ABL1: variants seen among roughly 807,000 people sequenced by gnomAD.
ABL1 encodes the protein ABL proto-oncogene 1, non-receptor tyrosine kinase, also known as tyrosine-protein kinase ABL1.
ABL1 carries 11 observed loss-of-function variants against 94.7 expected under a neutral mutation model. That is an observed-to-expected ratio of 0.12 (90% confidence interval 0.07 to 0.19). The LOEUF is 0.19. Ranked by LOEUF, ABL1 falls within the 10% of genes least tolerant of loss-of-function variation. The pLI, the probability that ABL1 is intolerant of heterozygous loss-of-function variation, is 1.00. For synonymous variants in ABL1, 656 were observed against 622.4 expected (o/e 1.05, Z -0.80); for missense variants, 1,082 against 1,489.4 (o/e 0.73, Z 4.50).
chr9:130,805,478 T>A (rs1830113887), intron 1 of ABL1, among the ~76,000 whole-genome samples: 1 of 152,236 alleles, frequency 6.6e-6, no homozygotes, highest in South Asian at 2.1e-4. Flanking sequence ...CTTGACTGTT[T>A]ACTTGTACTA....
intron 1 of ABL1, among the ~76,000 whole-genome samples, chr9:130,812,646 G>A (rs1037457481): frequency 3.3e-5 from 5 of 152,148 alleles, no homozygotes; most frequent in Non-Finnish European, 4.4e-5. Flanking sequence ...AATTCTAAAT[G>A]TTTATGCATG....
chr9:130,748,352 T>C (rs144691787), intron 1 of ABL1, among the ~76,000 whole-genome samples: 1 of 152,338 alleles, frequency 6.6e-6, no homozygotes, highest in African/African-American at 2.4e-5. Context: ...AATTTCTTTA[T>C]AAAATTTGTT....
At chr9:130,742,119 G>A (rs1037643247) in intron 1 of ABL1, among the ~76,000 whole-genome samples, 5 of 152,160 alleles carry the variant, frequency 3.3e-5, no homozygotes, top group African/African-American at 7.2e-5. Context: ...ACCGAGTCAT[G>A]TATGTTCTCT....
chr9:130,781,626 G>A (rs1262468569), intron 1 of ABL1, among the ~76,000 whole-genome samples: 2 of 152,020 alleles, frequency 1.3e-5, no homozygotes, highest in Admixed American at 1.3e-4. Flanking sequence ...ACACCAAGGG[G>A]ATTATCCAAA....
chr9:130,751,560 C>T (rs1343397596), intron 1 of ABL1, among the ~76,000 whole-genome samples: 24 of 152,164 alleles, frequency 1.6e-4, no homozygotes, highest in Admixed American at 2.0e-4. Context: ...CCAGATGGAA[C>T]GGCCTCATAG....
chr9:130,830,526 C>T (rs1450840518), upstream of ABL1, among the ~76,000 whole-genome samples: 1 of 152,166 alleles, frequency 6.6e-6, no homozygotes, highest in South Asian at 2.1e-4. Context: ...GTGTTTCTTT[C>T]TCTTCATAAA....
At chr9:130,817,661 A>G (rs1830306906) in intron 1 of ABL1, among the ~76,000 whole-genome samples, 1 of 152,212 alleles carries the variant, frequency 6.6e-6, no homozygotes, top group Non-Finnish European at 1.5e-5. Context: ...TGCAGAAAGT[A>G]AAAAATGGCC....
intron 1 of ABL1, among the ~76,000 whole-genome samples, chr9:130,726,472 A>G (rs963592053): frequency 6.6e-6 from 1 of 152,090 alleles, no homozygotes; most frequent in African/African-American, 2.4e-5. Flanking sequence ...CATTCCTCAC[A>G]TTGGTAATTT....
Position 130,835,516 on chromosome 9 carries a change from T to A in ABL1, c.70T>A (p.Tyr24Asn). 1 of 1,556,852 alleles carries A rather than the reference T, an allele frequency of 6.4e-7. No individual in the cohort carries two copies. The highest frequency in any genetic ancestry group is 8.7e-7 in the Non-Finnish European group (1 of 1,149,500). ...KKGLSSSSSC[Y>N]LEEALQRPVA... ...GGGGCTGTCCTCGTCCTCCAGCTGT[T>A]ATCTGGAAGGTAAGCCCGGGCCGCA... Residue 24 changes from tyrosine (Y) to asparagine (N), a missense_variant, in exon 1 of 11, where the codon TAT becomes AAT. Physicochemically the swap from Tyr to Asn is moderately radical, Grantham distance 143 (BLOSUM62 -2). Transcript: ENST00000318560. The surrounding 1 kb of genome is among the most constrained non-coding windows in gnomAD (Gnocchi z 4.6).
At chr9:130,769,757 T>C (rs10901281) in intron 1 of ABL1, among the ~76,000 whole-genome samples, 57,002 of 151,970 alleles carry the variant, frequency 0.38, 10,979 homozygotes, top group Middle Eastern at 0.45. Context: ...GACAAATACA[T>C]ACACTTGTGA....
intron 1 of ABL1, among the ~76,000 whole-genome samples, chr9:130,804,563 A>G (rs1262511951): frequency 3.3e-5 from 5 of 152,180 alleles, no homozygotes; most frequent in African/African-American, 1.2e-4. Context: ...CAGCCTGGGC[A>G]ACAAGAGCCA....
In ABL1 at chr9:130,886,927, T is replaced by TG. The variant is rs1318822823; in HGVS notation, c.*1249dup. 4.3e-6 allele frequency: 1 copy of TG among 232,964 alleles called. No homozygotes were observed. The allele number at this position is 232,964 out of a possible 1,614,324, so 14.4% of individuals were successfully genotyped here. ...GTGAGTGACATAGCCTCATGTTCTG[T>TG]GGGGGTCATCAGGGAGGGTTAGGAA... On this transcript the variant is annotated 3_prime_UTR_variant, in exon 11 of 11. Coordinates refer to ENST00000318560, the MANE Select transcript of ABL1 (RefSeq NM_005157.6).
At chr9:130,731,952 T>G (rs1316381467) in intron 1 of ABL1, among the ~76,000 whole-genome samples, 1 of 152,066 alleles carries the variant, frequency 6.6e-6, no homozygotes, top group Non-Finnish European at 1.5e-5. Flanking sequence ...ATGATTCCTG[T>G]CAATTGTTTC....
intron 1 of ABL1, among the ~76,000 whole-genome samples, chr9:130,794,728 C>T (rs558892108): frequency 1.3e-5 from 2 of 152,054 alleles, no homozygotes; most frequent in African/African-American, 4.8e-5. Flanking sequence ...TATGTTACCC[C>T]GAGAAAGTCT....
intron 4 of ABL1, among the ~76,000 whole-genome samples, chr9:130,868,455 G>C (rs1831193533): frequency 6.6e-6 from 1 of 152,010 alleles, no homozygotes; most frequent in African/African-American, 2.4e-5. Context: ...CCTGCTGAGA[G>C]CGAGACATTG....
Position 130,751,230 on chromosome 9 carries a change from C to T in ABL1, c.136+36775C>T, listed in dbSNP as rs921983318. Among the ~76,000 whole-genome samples, 4 of 142,646 alleles carry T rather than the reference C, an allele frequency of 2.8e-5. No homozygotes were observed. The South Asian group carries it at 9.0e-4, about 32-fold the overall frequency. The allele number at this position is 142,646 out of a possible 152,430, so 93.6% of individuals were successfully genotyped here. A position where few individuals can be genotyped will look rare whatever the true frequency, so the allele number is the denominator to read the frequency against. On this transcript the variant is annotated intron_variant, in intron 1 of 10. Coordinates refer to the ABL1 transcript ENST00000372348. ...GATCTCGGCTCACTGCAACCTCTGC[C>T]TCCCCGGTTCAAGTGATTCTTCTGC... is the stretch of plus-strand genomic sequence containing the variant.
intron 1 of ABL1, among the ~76,000 whole-genome samples, chr9:130,763,313 C>T (rs1832140199): frequency 7.8e-6 from 1 of 127,998 alleles, no homozygotes; most frequent in African/African-American, 3.7e-5. Flanking sequence ...ATCCACTCAA[C>T]ATTTTTGTGG....
chr9:130,787,038 C>T (rs1437691500), intron 1 of ABL1, among the ~76,000 whole-genome samples: 2 of 152,136 alleles, frequency 1.3e-5, no homozygotes, highest in Non-Finnish European at 2.9e-5. Flanking sequence ...GCTGTTTCTC[C>T]TTAGGCTCTG....
intron 1 of ABL1, among the ~76,000 whole-genome samples, chr9:130,718,821 G>T (rs909897026): frequency 6.6e-6 from 1 of 152,140 alleles, no homozygotes; most frequent in Admixed American, 6.6e-5. Flanking sequence ...GGCCAATGCT[G>T]CAGTGAGCCA....
Sources: allele counts gnomAD v4.1 joint callset (sites outside exome capture counted in the v4.1 genomes callset), GRCh38; gene constraint gnomAD v4.1.1; non-coding constraint Gnocchi (gnomAD v3.1); transcripts MANE v1.5; gene names NCBI Gene and HGNC (gene_info 2026-07-23, HGNC 2026-07-21).